LRP1B: variants seen among roughly 807,000 people sequenced by gnomAD.
LRP1B encodes the protein low-density lipoprotein receptor-related protein 1B.
Under a neutral mutation model 556.6 loss-of-function variants are expected in LRP1B, and 217 were observed. That is an observed-to-expected ratio of 0.39 (90% CI 0.35 to 0.44). The LOEUF (loss-of-function observed/expected upper bound fraction) is 0.44. LRP1B is among the 20% of genes least tolerant of loss of function. The pLI, the probability that LRP1B is intolerant of heterozygous loss-of-function variation, is 1.00. For missense variants in LRP1B, 5,053 were observed against 5,620.8 expected (o/e 0.90, Z 3.23); for synonymous variants, 2,047 against 1,865.8 (o/e 1.10, Z -2.50).
At chr2:141,463,210 C>T (rs1681982114) in intron 3 of LRP1B, among the ~76,000 whole-genome samples, 1 of 152,094 alleles carries the variant, frequency 6.6e-6, no homozygotes, top group African/African-American at 2.4e-5. Context: ...AGAGTTGGAA[C>T]ATCCCAAGTC....
At chr2:140,344,901 G>C (rs908554572) in intron 77 of LRP1B, among the ~76,000 whole-genome samples, 2 of 151,140 alleles carry the variant, frequency 1.3e-5, no homozygotes, top group South Asian at 4.2e-4. Context: ...GTAAGTGAGG[G>C]GAAAAAAAGA....
intron 14 of LRP1B, among the ~76,000 whole-genome samples, chr2:141,011,477 A>G (rs1697746989): frequency 6.6e-6 from 1 of 152,096 alleles, no homozygotes; most frequent in Non-Finnish European, 1.5e-5. Context: ...CTGAGAAAAA[A>G]TGGTATTAAC....
At position 141,861,929 on chromosome 2, in the gene LRP1B, C is replaced by CAAA. The variant is rs532228489; in HGVS notation, c.83-51531_83-51529dup. 1.6e-3 allele frequency among the ~76,000 whole-genome samples: 228 copies of CAAA among 141,378 alleles called. 1 individual carries two copies. Among genetic ancestry groups the CAAA allele is most frequent in the African/African-American group, 5.3e-3 (205 of 38,646 alleles). The allele number at this position is 141,378 out of a possible 152,430, so 92.7% of individuals were successfully genotyped here. On this transcript the variant is annotated intron_variant, in intron 1 of 90. Transcript: ENST00000389484. ...TGGGCAACAGAGTGAGACTCCATCT[C>CAAA]AAAAAAAAAAGAAAAAAAGAAAAAC...
chr2:140,555,922 T>C (rs1246636598), intron 43 of LRP1B, among the ~76,000 whole-genome samples: 1 of 152,010 alleles, frequency 6.6e-6, no homozygotes, highest in African/African-American at 2.4e-5. Flanking sequence ...AAAGCAGAGT[T>C]TTATCTAAGC....
At chr2:140,261,412 T>C (rs1441931857) in intron 86 of LRP1B, among the ~76,000 whole-genome samples, 1 of 151,866 alleles carries the variant, frequency 6.6e-6, no homozygotes, top group East Asian at 1.9e-4. Context: ...ATCTATAACA[T>C]TGGATATAAT....
chr2:141,149,383 T>C (rs573979567), intron 7 of LRP1B, among the ~76,000 whole-genome samples: 88 of 152,310 alleles, frequency 5.8e-4, no homozygotes, highest in Non-Finnish European at 1.1e-3. Context: ...TGAATAGTTG[T>C]AATTAACATT....
intron 1 of LRP1B, among the ~76,000 whole-genome samples, chr2:141,907,365 C>T (rs1699785386): frequency 6.6e-6 from 1 of 151,808 alleles, no homozygotes; most frequent in African/African-American, 2.4e-5. Context: ...ATAACCACTC[C>T]ATTTTAAATC....
At chr2:141,397,113 C>CAAAAAATAAAAAAAAAAAAAA (rs1690265985) in intron 3 of LRP1B, among the ~76,000 whole-genome samples, 1 of 41,964 alleles carries the variant, frequency 2.4e-5, no homozygotes, top group Non-Finnish European at 3.8e-5. Context: ...AACTTTGTCT[C>CAAAAAATAAAAAAAAAAAAAA]AAAAAAAAAA....
intron 1 of LRP1B, among the ~76,000 whole-genome samples, chr2:142,064,589 G>A (rs1351368691): frequency 2.0e-5 from 3 of 151,378 alleles, no homozygotes; most frequent in Non-Finnish European, 3.0e-5. Context: ...ACTTCTTCCT[G>A]TCTTTCCTTA....
chr2:141,737,021 G>A (rs1379631863), intron 2 of LRP1B, among the ~76,000 whole-genome samples: 1 of 152,256 alleles, frequency 6.6e-6, no homozygotes, highest in Middle Eastern at 3.4e-3. Context: ...TAGGTAGGAA[G>A]AAAACCATGT....
intron 41 of LRP1B, among the ~76,000 whole-genome samples, chr2:140,694,115 A>T (rs1037330068): frequency 2.0e-5 from 3 of 152,244 alleles, no homozygotes; most frequent in African/African-American, 7.2e-5. Flanking sequence ...AAAACAAAAC[A>T]TCAGAATGCA....
intron 27 of LRP1B, among the ~76,000 whole-genome samples, chr2:140,853,497 C>T (rs981014846): frequency 4.6e-5 from 7 of 152,198 alleles, no homozygotes; most frequent in African/African-American, 1.7e-4. Context: ...GGTATTTCCT[C>T]CCTCTTACAG....
intron 43 of LRP1B, among the ~76,000 whole-genome samples, chr2:140,581,389 G>C (rs999680216): frequency 2.0e-5 from 3 of 151,950 alleles, no homozygotes; most frequent in Non-Finnish European, 4.4e-5. Flanking sequence ...TACGCTTTTT[G>C]TCCTTCTCAG....
intron 55 of LRP1B, among the ~76,000 whole-genome samples, chr2:140,500,351 A>G (rs1689129043): frequency 6.6e-6 from 1 of 152,110 alleles, no homozygotes; most frequent in East Asian, 1.9e-4. Flanking sequence ...GAACTTAAAA[A>G]CAGCAAATTG....
chr2:141,176,555 A>G (rs1680744254), intron 7 of LRP1B, among the ~76,000 whole-genome samples: 1 of 151,064 alleles, frequency 6.6e-6, no homozygotes. Context: ...CTTCCTGTTA[A>G]GCCTGCAGAA....
chr2:141,969,465 T>C (rs1296392909), intron 1 of LRP1B, among the ~76,000 whole-genome samples: 1 of 151,686 alleles, frequency 6.6e-6, no homozygotes, highest in African/African-American at 2.4e-5. Flanking sequence ...TCTCTGGTTC[T>C]ATTATTTCTA....
chr2:140,568,278 A>G (rs2105098428), intron 43 of LRP1B, among the ~76,000 whole-genome samples: 1 of 152,044 alleles, frequency 6.6e-6, no homozygotes, highest in African/African-American at 2.4e-5. Flanking sequence ...GAATTTTAAT[A>G]AAAAGATAAA....
chr2:140,577,466 G>A (rs1011512041), intron 43 of LRP1B, among the ~76,000 whole-genome samples: 3 of 151,538 alleles, frequency 2.0e-5, no homozygotes, highest in East Asian at 2.0e-4. Context: ...ACCCAAGCAG[G>A]AGTGCAGTGG....
intron 3 of LRP1B, among the ~76,000 whole-genome samples, chr2:141,268,656 C>T (rs1026757632): frequency 5.3e-5 from 8 of 152,116 alleles, no homozygotes; most frequent in East Asian, 3.9e-4. Flanking sequence ...GAGTGGAATG[C>T]GGTGGGAACA....
Sources: gnomAD v4.1 joint callset for allele counts (sites outside exome capture counted in the v4.1 genomes callset) on GRCh38, gnomAD v4.1.1 for gene constraint, MANE v1.5 for transcripts, NCBI Gene and HGNC (gene_info 2026-07-23, HGNC 2026-07-21) for gene names.